The following SLC39A14 variants were observed in gnomAD, a reference collection of about 807,000 sequenced individuals.
SLC39A14 encodes solute carrier family 39 member 14.
A neutral mutation model predicts 45.5 loss-of-function variants in SLC39A14; 19 were observed. The observed-to-expected ratio is 0.42, with a 90% CI of 0.29 to 0.61. SLC39A14 has a LOEUF of 0.61. Ranked by LOEUF, SLC39A14 falls within the 20% of genes least tolerant of loss-of-function variation. The pLI, the probability that SLC39A14 is intolerant of heterozygous loss-of-function variation, is 0.22. For missense variants in SLC39A14, 447 were observed against 616.5 expected (o/e 0.73, Z 2.91); for synonymous variants, 264 against 251.3 (o/e 1.05, Z -0.48).
intron 1 of SLC39A14, among the ~76,000 whole-genome samples, chr8:22,386,463 C>T (rs997633781): frequency 2.6e-5 from 4 of 151,292 alleles, no homozygotes; most frequent in Non-Finnish European, 4.4e-5. Context: ...GATGGGGTTT[C>T]GCCATGTTAG....
At chr8:22,377,079 A>T (rs767230487) in intron 1 of SLC39A14, among the ~76,000 whole-genome samples, 3 of 151,940 alleles carry the variant, frequency 2.0e-5, no homozygotes, top group Non-Finnish European at 4.4e-5. Context: ...CCTCTTGTAC[A>T]TTTATTTATT....
Position 22,421,153 on chromosome 8 carries a change from T to C in SLC39A14, c.*1455T>C. ...TCTCTCCAGAAGCCTTTCTTAGTGG[T>C]GCCCACAGTTGGAGCCCAGGGGCCA... On this transcript the variant is annotated 3_prime_UTR_variant, in exon 9 of 9. Coordinates refer to ENST00000381237, the MANE Select transcript of SLC39A14 (RefSeq NM_001128431.4). 8 of 985,858 alleles carry C rather than the reference T, an allele frequency of 8.1e-6. No homozygotes were observed. Among genetic ancestry groups the C allele is most frequent in the Non-Finnish European group, 9.6e-6 (8 of 829,934 alleles). 61.1% of individuals were successfully genotyped at this position (985,858 alleles called of 1,614,324 possible). A position where few individuals can be genotyped will look rare whatever the true frequency, so the allele number is the denominator to read the frequency against.
At position 22,412,187 on chromosome 8, in the gene SLC39A14, T is replaced by A; in HGVS notation, c.608T>A (p.Leu203His). Residue 203 changes from leucine (L) to histidine (H), a missense_variant, in exon 4 of 9, where the codon CTC becomes CAC. Coordinates refer to ENST00000381237, the MANE Select transcript of SLC39A14 (RefSeq NM_001128431.4). ...LAIGTLYSNALFQLIPEAFGF... is the reference protein window; with the variant it reads ...LAIGTLYSNAHFQLIPEAFGF... ...ATTGGAACCCTCTACTCCAACGCCC[T>A]CTTCCAGCTCATCCCGGAGGTATGG... 1 of 1,551,698 alleles carries A rather than the reference T, an allele frequency of 6.4e-7. No individual in the cohort carries two copies. Among genetic ancestry groups the A allele is most frequent in the South Asian group, 1.2e-5 (1 of 84,060 alleles).
intron 1 of SLC39A14, among the ~76,000 whole-genome samples, chr8:22,394,858 C>T (rs969632222): frequency 9.2e-5 from 14 of 152,128 alleles, no homozygotes; most frequent in African/African-American, 2.7e-4. Flanking sequence ...ATCATATTCT[C>T]GGCTCATAGT....
chr8:22,396,385 TAGAGAG>T (rs71509382), intron 1 of SLC39A14, among the ~76,000 whole-genome samples: 1 of 32,194 alleles, frequency 3.1e-5, no homozygotes, highest in Non-Finnish European at 5.1e-5. Context: ...AATAAATAAA[TAGAGAG>T]AGAGAGAGAG....
In SLC39A14 at chr8:22,416,227, A is replaced by C; in HGVS notation, c.1094A>C (p.Gln365Pro). The change falls in exon 7 of 9, where the codon CAA becomes CCA. Residue 365 changes from glutamine to proline, a missense_variant. By Grantham distance (76) the Gln-to-Pro change is moderately conservative (BLOSUM62 -1). Transcript: ENST00000381237. ...GCTTCCTTCACTGTGTCAGTTTTCC[A>C]AGGCATCAGCACCTCGGTGGCCATC... Reference protein sequence around the residue: ...IGASFTVSVFQGISTSVAILC... With the variant: ...IGASFTVSVFPGISTSVAILC... The C allele has an allele frequency of 6.2e-7, 1 of 1,613,542 alleles. No individual in the cohort carries two copies. The highest frequency in any genetic ancestry group is 8.5e-7 in the Non-Finnish European group (1 of 1,179,972).
Position 22,415,845 on chromosome 8 carries a change from A to G in SLC39A14, c.827A>G (p.Lys276Arg). Residue 276 changes from lysine (K) to arginine (R), a missense_variant, in exon 6 of 9, where the codon AAG (lysine) becomes AGG (arginine). This residue lies in a region of SLC39A14 where 342 missense variants were observed against 428.1 expected (regional missense o/e 0.80). Transcript: ENST00000381237. ...GACCAGGAGGAGGGGGTGATGGAGA[A>G]GCTGCAGAACGGGGACCTGGACCAC... The part of the protein sequence containing the change: ...KKDQEEGVME[K>R]LQNGDLDHMI... 6.2e-7 allele frequency: 1 copy of G among 1,613,614 alleles called. No individual in the cohort carries two copies. The highest frequency in any genetic ancestry group is 8.5e-7 in the Non-Finnish European group (1 of 1,179,876).
chr8:22,393,962 C>G (rs576594326), intron 1 of SLC39A14, among the ~76,000 whole-genome samples: 5 of 151,874 alleles, frequency 3.3e-5, no homozygotes, highest in Non-Finnish European at 5.9e-5. Context: ...CATGGGCCAC[C>G]GCCCCCAGCC....
At chr8:22,423,417 A>G (rs191190124), downstream of SLC39A14, among the ~76,000 whole-genome samples, 5 of 143,998 alleles carry the variant, frequency 3.5e-5, no homozygotes, top group African/African-American at 1.0e-4. Flanking sequence ...CTCACTGCAA[A>G]CTCCGCTTCC....
intron 3 of SLC39A14, chr8:22,410,217 C>A: frequency 8.3e-7 from 1 of 1,205,812 alleles, no homozygotes; most frequent in Non-Finnish European, 1.2e-6. Context: ...CCAATGACTG[C>A]CACCTGAGAA....
intron 1 of SLC39A14, among the ~76,000 whole-genome samples, chr8:22,384,545 C>G (rs150321678): frequency 0.12 from 17,173 of 148,876 alleles, 1,716 homozygotes; most frequent in African/African-American, 0.28. Context: ...GTCAGGAGTT[C>G]GAGACCAGCC....
intron 1 of SLC39A14, among the ~76,000 whole-genome samples, chr8:22,375,339 G>A (rs1053895370): frequency 1.3e-5 from 2 of 150,126 alleles, no homozygotes; most frequent in Non-Finnish European, 3.0e-5. Context: ...GGGGAAAGTC[G>A]ATAATCCTGC....
chr8:22,400,894 A>C (rs1834815436), intron 1 of SLC39A14, among the ~76,000 whole-genome samples: 1 of 152,246 alleles, frequency 6.6e-6, no homozygotes, highest in Non-Finnish European at 1.5e-5. Context: ...AACCCTGCTG[A>C]TTTATAAGTC....
intron 1 of SLC39A14, among the ~76,000 whole-genome samples, chr8:22,378,056 C>T (rs541892944): frequency 4.6e-5 from 7 of 152,242 alleles, no homozygotes; most frequent in Admixed American, 2.0e-4. Context: ...AAAGCCTGCC[C>T]GGTCCAAGAT....
intron 1 of SLC39A14, among the ~76,000 whole-genome samples, chr8:22,386,724 A>G (rs1238527174): frequency 1.3e-5 from 2 of 152,174 alleles, no homozygotes; most frequent in Non-Finnish European, 2.9e-5. Context: ...TTATTTCAAC[A>G]TTTCCTCCAT....
chr8:22,386,164 C>G (rs933993796), intron 1 of SLC39A14, among the ~76,000 whole-genome samples: 1 of 151,776 alleles, frequency 6.6e-6, no homozygotes, highest in East Asian at 1.9e-4. Context: ...AGGCTGGTCC[C>G]GAACTCCTGA....
intron 1 of SLC39A14, among the ~76,000 whole-genome samples, chr8:22,387,333 T>G (rs1833845485): frequency 6.6e-6 from 1 of 152,150 alleles, no homozygotes; most frequent in African/African-American, 2.4e-5. Context: ...TCCTCGGGGT[T>G]GAAAGTCACC....
Position 22,422,636 on chromosome 8 carries a change from T to C in SLC39A14, c.*2938T>C, listed in dbSNP as rs1586759310. 4.1e-6 allele frequency: 4 copies of C among 983,036 alleles called. No homozygotes were observed. The highest frequency in any genetic ancestry group is 4.8e-6 in the Non-Finnish European group (4 of 827,668). The allele number at this position is 983,036 out of a possible 1,614,324, so 60.9% of individuals were successfully genotyped here. A position where few individuals can be genotyped will look rare whatever the true frequency, so the allele number is the denominator to read the frequency against. On this transcript the variant is annotated 3_prime_UTR_variant, in exon 9 of 9. Transcript: ENST00000381237. Reference sequence around the variant, plus strand: ...ATTAACTTATGTGGACTGTAAATGTTTTATTTGTAAGATTCTATAAATAAA... The same window carrying C: ...ATTAACTTATGTGGACTGTAAATGTCTTATTTGTAAGATTCTATAAATAAA...
intron 1 of SLC39A14, among the ~76,000 whole-genome samples, chr8:22,368,328 C>T (rs904949120): frequency 2.0e-5 from 3 of 152,034 alleles, no homozygotes; most frequent in East Asian, 1.9e-4. Context: ...GCCATTGGGA[C>T]GGCTGTGCTC....
Sources: gnomAD v4.1 joint callset for allele counts (sites outside exome capture counted in the v4.1 genomes callset) on GRCh38, gnomAD v4.1.1 for gene constraint, gnomAD v4.1.1 regional missense constraint, MANE v1.5 for transcripts, NCBI Gene and HGNC (gene_info 2026-07-23, HGNC 2026-07-21) for gene names.